CSGALNACT1: variants seen among roughly 807,000 people sequenced by gnomAD.
The protein encoded by CSGALNACT1 is beta4GalNAcT-1.
A neutral mutation model predicts 51.0 loss-of-function variants in CSGALNACT1; 52 were observed. That is an observed-to-expected ratio of 1.02 (90% confidence interval 0.82 to 1.29). The LOEUF (loss-of-function observed/expected upper bound fraction) is 1.29, where lower values mean the gene tolerates loss of function less well. Ranked by LOEUF, CSGALNACT1 falls within the 50% of genes most tolerant of loss-of-function variation. CSGALNACT1 has a pLI of 0.00. For missense variants in CSGALNACT1, 935 were observed against 679.2 expected (o/e 1.38, Z -4.19); for synonymous variants, 341 against 254.4 (o/e 1.34, Z -3.24).
At chr8:19,596,918 C>T (rs1457673050) in intron 2 of CSGALNACT1, among the ~76,000 whole-genome samples, 1 of 152,180 alleles carries the variant, frequency 6.6e-6, no homozygotes, top group African/African-American at 2.4e-5. Flanking sequence ...CTGCTAAATT[C>T]ATTCACTGTT....
intron 4 of CSGALNACT1, 84 bp downstream of exon 3, chr8:19,505,117 C>T (rs1263548660): frequency 1.3e-6 from 2 of 1,496,618 alleles, no homozygotes; most frequent in African/African-American, 2.8e-5. Flanking sequence ...CAGCTGCCAG[C>T]CTCCTGGAGC....
intron 4 of CSGALNACT1, among the ~76,000 whole-genome samples, chr8:19,467,061 G>C (rs373008652): frequency 1.4e-5 from 2 of 146,920 alleles, no homozygotes; most frequent in Non-Finnish European, 3.0e-5. Context: ...AAATGTCTAA[G>C]AACTCACTTA....
intron 3 of CSGALNACT1, among the ~76,000 whole-genome samples, chr8:19,539,057 AT>A: frequency 6.6e-6 from 1 of 152,108 alleles, no homozygotes; most frequent in East Asian, 1.9e-4. Context: ...ATTTTGTTAT[AT>A]TTTCTTTTTA....
intron 2 of CSGALNACT1, among the ~76,000 whole-genome samples, chr8:19,597,070 C>A (rs984182257): frequency 7.2e-5 from 11 of 152,090 alleles, no homozygotes; most frequent in African/African-American, 2.4e-4. Flanking sequence ...CTCTAGGGAC[C>A]ACATATTAGT....
In CSGALNACT1 at chr8:19,450,635, G is replaced by A. The variant is rs193151128; in HGVS notation, c.851+7791C>T. On this transcript the variant is annotated intron_variant, in intron 5 of 9. Coordinates refer to ENST00000454498, the Ensembl canonical transcript of CSGALNACT1. Reference sequence around the variant, plus strand: ...GTCATTTGCAGGTACAGTAGCTCACGCCTGTAATCCCAACACTTTGGGAGG... The same window carrying A: ...GTCATTTGCAGGTACAGTAGCTCACACCTGTAATCCCAACACTTTGGGAGG... Among the ~76,000 whole-genome samples, 718 of 152,242 alleles carry A rather than the reference G, an allele frequency of 4.7e-3. 1 individual carries two copies. The highest frequency in any genetic ancestry group is 8.2e-3 in the Non-Finnish European group (560 of 68,004).
chr8:19,520,810 A>C (rs918211089), intron 3 of CSGALNACT1, among the ~76,000 whole-genome samples: 2 of 152,126 alleles, frequency 1.3e-5, no homozygotes, highest in African/African-American at 4.8e-5. Flanking sequence ...GGTTCTGTTA[A>C]TATTATAACC....
chr8:19,513,449 T>TATATATATATATATAG (rs1211235617), intron 3 of CSGALNACT1, among the ~76,000 whole-genome samples: 1 of 131,518 alleles, frequency 7.6e-6, no homozygotes, highest in African/African-American at 3.5e-5. Context: ...TATATATATA[T>TATATATATATATATAG]ATATATATAT....
chr8:19,559,842 A>G (rs1182667312), intron 3 of CSGALNACT1, among the ~76,000 whole-genome samples: 2 of 152,190 alleles, frequency 1.3e-5, no homozygotes, highest in African/African-American at 4.8e-5. Flanking sequence ...GAATCAATAC[A>G]ATGCCAATAA....
At position 19,458,495 on chromosome 8, in the gene CSGALNACT1, G is replaced by GT; in HGVS notation, c.781dup (p.Thr261AsnfsTer29). ...TAGAGGCACGATAACATTGATAAGC[G>GT]TGTTGGCCATGTTGAGCTTTTCATT... On this transcript the variant is annotated frameshift_variant, in exon 5 of 10. Coordinates refer to ENST00000454498, the Ensembl canonical transcript of CSGALNACT1. LOFTEE classifies it high-confidence loss of function. 1 of 1,614,160 alleles carries GT rather than the reference G, an allele frequency of 6.2e-7. No individual in the cohort carries two copies. The highest frequency in any genetic ancestry group is 1.3e-5 in the African/African-American group (1 of 75,030).
At chr8:19,528,470 C>G (rs925247301) in intron 3 of CSGALNACT1, among the ~76,000 whole-genome samples, 1 of 152,120 alleles carries the variant, frequency 6.6e-6, no homozygotes, top group Admixed American at 6.5e-5. Flanking sequence ...AACATGTCAC[C>G]CGCAAAATAC....
chr8:19,750,659 G>C (rs1185132227), intron 1 of CSGALNACT1, among the ~76,000 whole-genome samples: 1 of 152,218 alleles, frequency 6.6e-6, no homozygotes, highest in Non-Finnish European at 1.5e-5. Context: ...AAGGAGTAGA[G>C]CTGGGATTCA....
chr8:19,684,733 A>ACT (rs1452631050), upstream of CSGALNACT1, among the ~76,000 whole-genome samples: 1 of 152,172 alleles, frequency 6.6e-6, no homozygotes, highest in African/African-American at 2.4e-5. Flanking sequence ...CCAGGTTCCA[A>ACT]TCAAAAAGCC....
chr8:19,683,630 T>C (rs1338467866), upstream of CSGALNACT1, among the ~76,000 whole-genome samples: 1 of 151,998 alleles, frequency 6.6e-6, no homozygotes. Flanking sequence ...GAAAGGAAAA[T>C]GGAATAGACA....
At chr8:19,429,459 G>A (rs1407192262) in intron 6 of CSGALNACT1, among the ~76,000 whole-genome samples, 2 of 66 alleles carry the variant, frequency 0.03, no homozygotes, top group Admixed American at 0.12. Context: ...TAACAGGCGT[G>A]AGCCACTGGC....
intron 5 of CSGALNACT1, among the ~76,000 whole-genome samples, chr8:19,455,940 A>G (rs575435384): frequency 1.3e-5 from 2 of 152,320 alleles, no homozygotes; most frequent in South Asian, 2.1e-4. Flanking sequence ...TCCAGGTCAC[A>G]AGTCTTCCGC....
rs757471521 is a variant in CSGALNACT1 at position 19,505,252 on chromosome 8, C to A, written c.583G>T (p.Ala195Ser). The A allele has an allele frequency of 2.9e-5, 47 of 1,614,030 alleles. No homozygotes were observed. Among genetic ancestry groups the A allele is most frequent in the Non-Finnish European group, 3.8e-5 (45 of 1,180,030 alleles). The change falls in exon 4 of 10, where the codon GCA (alanine) becomes TCA (serine). Residue 195 changes from alanine (A) to serine (S), a missense_variant. By Grantham distance (99) the Ala-to-Ser change is moderately conservative (BLOSUM62 1). Transcript: ENST00000454498. ...GGACGGTGATTGGGGCTGTTCTCTG[C>A]AGGACTGTTCAGGGTCTCCAAGGCT... is the stretch of plus-strand genomic sequence containing the variant.
At chr8:19,453,519 T>A (rs1275928803) in intron 5 of CSGALNACT1, among the ~76,000 whole-genome samples, 1 of 152,064 alleles carries the variant, frequency 6.6e-6, no homozygotes, top group Non-Finnish European at 1.5e-5. Context: ...ATCCAATAAA[T>A]GAAGCAAACA....
chr8:19,480,087 G>A (rs2070935782), intron 4 of CSGALNACT1, among the ~76,000 whole-genome samples: 1 of 152,160 alleles, frequency 6.6e-6, no homozygotes, highest in Non-Finnish European at 1.5e-5. Flanking sequence ...ATTCTGAATA[G>A]GAAACAAGTC....
At chr8:19,576,198 GT>G (rs1344192698) in intron 3 of CSGALNACT1, among the ~76,000 whole-genome samples, 7 of 151,814 alleles carry the variant, frequency 4.6e-5, no homozygotes, top group Admixed American at 1.3e-4. Context: ...CACTTTTTTT[GT>G]TGTCTTGTTT....
Sources: gnomAD v4.1 joint callset for allele counts (sites outside exome capture counted in the v4.1 genomes callset) on GRCh38, gnomAD v4.1.1 for gene constraint, MANE v1.5 for transcripts, NCBI Gene and HGNC (gene_info 2026-07-23, HGNC 2026-07-21) for gene names.